EXOC4: variants seen among roughly 807,000 people sequenced by gnomAD.
The protein encoded by EXOC4 is SEC8-like 1.
EXOC4 carries 71 observed loss-of-function variants against 107.2 expected under a neutral mutation model. The observed-to-expected ratio is 0.66, with a 90% CI of 0.55 to 0.81. The LOEUF is 0.81. Among genes scored for constraint, EXOC4 ranks in the 30% least tolerant of loss-of-function variants. The pLI is 0.00. For missense variants in EXOC4, 1,108 were observed against 1,189.6 expected, an observed-to-expected ratio of 0.93 and a Z score of 1.01; for synonymous variants, 456 against 441.2, an observed-to-expected ratio of 1.03 and a Z score of -0.42.
chr7:133,721,168 A>AT lies in EXOC4; in HGVS notation c.1514+91034dup, dbSNP rs1418245127. ...TGAGAAAATATGGAGCTTAATTTTC[A>AT]TTTTTTTCATTAAGATTATGAAAAA... On this transcript the variant is annotated intron_variant, in intron 10 of 17. Coordinates refer to ENST00000253861, the MANE Select transcript of EXOC4 (RefSeq NM_021807.4). Among the ~76,000 whole-genome samples the AT allele has an allele frequency of 1.2e-4, 19 of 152,160 alleles. No individual in the cohort carries two copies. The East Asian group carries it at 2.9e-3, about 23-fold the overall frequency.
At chr7:133,907,936 C>T (rs1563052938) in intron 12 of EXOC4, among the ~76,000 whole-genome samples, 1 of 152,204 alleles carries the variant, frequency 6.6e-6, no homozygotes, top group South Asian at 2.1e-4. Flanking sequence ...ATTTTCCACA[C>T]ACCTGTCTGC....
chr7:133,640,864 CTCT>C (rs1202657408), intron 10 of EXOC4, among the ~76,000 whole-genome samples: 1 of 104,160 alleles, frequency 9.6e-6, no homozygotes, highest in Non-Finnish European at 2.2e-5. Context: ...GACATTCTCT[CTCT>C]CTCTCTTTTT....
At chr7:133,453,657 A>G (rs1270456718) in intron 7 of EXOC4, among the ~76,000 whole-genome samples, 3 of 152,064 alleles carry the variant, frequency 2.0e-5, no homozygotes, top group Admixed American at 6.6e-5. Flanking sequence ...ATATAACTTT[A>G]TGTAAGTTTG....
At chr7:133,793,701 G>A (rs928542296) in intron 10 of EXOC4, among the ~76,000 whole-genome samples, 7 of 151,750 alleles carry the variant, frequency 4.6e-5, no homozygotes, top group Non-Finnish European at 8.8e-5. Context: ...AAAAATTAGT[G>A]GGGTGTGGTG....
chr7:133,460,011 G>A (rs1166787705), intron 7 of EXOC4, among the ~76,000 whole-genome samples: 1 of 152,188 alleles, frequency 6.6e-6, no homozygotes, highest in Non-Finnish European at 1.5e-5. Flanking sequence ...AGAAATACCA[G>A]TGAAATAGTT....
At chr7:133,857,162 A>G (rs865784835) in intron 11 of EXOC4, among the ~76,000 whole-genome samples, 121 of 10,336 alleles carry the variant, frequency 0.012, 3 homozygotes, top group African/African-American at 0.033. Flanking sequence ...ATATATATAT[A>G]TATATATATA....
intron 13 of EXOC4, among the ~76,000 whole-genome samples, chr7:133,933,683 A>AG (rs1416679534): frequency 3.3e-5 from 5 of 152,212 alleles, no homozygotes; most frequent in African/African-American, 1.2e-4. Context: ...GGTCTTCTGC[A>AG]GGGGACAAGT....
the EXOC4 span, among the ~76,000 whole-genome samples, chr7:134,075,497 G>A: frequency 1.3e-5 from 2 of 152,160 alleles, no homozygotes; most frequent in African/African-American, 4.8e-5. Context: ...CAGCAGGTAA[G>A]ACAGAATGAG....
At chr7:133,643,661 C>T (rs1562888774) in intron 10 of EXOC4, among the ~76,000 whole-genome samples, 1 of 152,202 alleles carries the variant, frequency 6.6e-6, no homozygotes, top group Non-Finnish European at 1.5e-5. Flanking sequence ...CACCAATCCT[C>T]AGCCCAAATG....
intron 14 of EXOC4, among the ~76,000 whole-genome samples, chr7:133,987,397 A>G (rs28519661): frequency 0.017 from 2,525 of 151,950 alleles, 72 homozygotes; most frequent in African/African-American, 0.056. Flanking sequence ...AAGAAAGAAA[A>G]AGAGAGAGAA....
chr7:133,511,556 A>G (rs538586781), intron 9 of EXOC4, among the ~76,000 whole-genome samples: 1 of 152,276 alleles, frequency 6.6e-6, no homozygotes, highest in South Asian at 2.1e-4. Context: ...GAGGGCAGAG[A>G]GCTATTCCTG....
At chr7:133,707,770 C>T (rs985583601) in intron 10 of EXOC4, among the ~76,000 whole-genome samples, 3 of 152,068 alleles carry the variant, frequency 2.0e-5, no homozygotes, top group African/African-American at 7.2e-5. Context: ...CGCACGCCAC[C>T]ACGCCTGGCT....
chr7:133,645,782 C>T (rs1237197546), intron 10 of EXOC4, among the ~76,000 whole-genome samples: 6 of 152,116 alleles, frequency 3.9e-5, no homozygotes, highest in Non-Finnish European at 8.8e-5. Context: ...CTTGGAGTTG[C>T]TTTTGATATC....
intron 5 of EXOC4, among the ~76,000 whole-genome samples, chr7:133,325,796 CT>C (rs1332667555): frequency 6.6e-5 from 10 of 152,290 alleles, no homozygotes; most frequent in African/African-American, 2.4e-4. Flanking sequence ...GTATAATTTC[CT>C]GCAGAGTGTT....
At chr7:133,821,216 T>C (rs11979129) in intron 11 of EXOC4, among the ~76,000 whole-genome samples, 2 of 152,370 alleles carry the variant, frequency 1.3e-5, no homozygotes, top group African/African-American at 4.8e-5. Context: ...TCTGTATTGA[T>C]TGCAAGTGTT....
intron 7 of EXOC4, among the ~76,000 whole-genome samples, chr7:133,431,648 A>ATAGC (rs931727845): frequency 1.3e-5 from 2 of 152,214 alleles, no homozygotes; most frequent in Non-Finnish European, 2.9e-5. Flanking sequence ...TAAATGTAGC[A>ATAGC]TAGCTTAAGT....
chr7:133,876,188 T>C (rs560944327), intron 11 of EXOC4, among the ~76,000 whole-genome samples: 1 of 151,708 alleles, frequency 6.6e-6, no homozygotes, highest in African/African-American at 2.4e-5. Flanking sequence ...AAAAATTAAC[T>C]CATATTGCTT....
In EXOC4 at chr7:134,020,288, A is replaced by T. The variant is rs187264731; in HGVS notation, c.2687+12453A>T. The stretch of plus-strand genomic sequence containing the variant: ...AGTTCTGATTTAGAAGGCTGAGGGT[A>T]GGGCTTGGGCATCTGCGGCTTAACA... On this transcript the variant is annotated intron_variant, in intron 17 of 17. Coordinates refer to ENST00000253861, the MANE Select transcript of EXOC4 (RefSeq NM_021807.4). Among the ~76,000 whole-genome samples the T allele has an allele frequency of 4.0e-3, 606 of 152,312 alleles. 5 individuals are homozygous for T. Among genetic ancestry groups the T allele is most frequent in the African/African-American group, 0.014 (575 of 41,574 alleles).
At chr7:133,951,421 A>T (rs10272270) in intron 14 of EXOC4, among the ~76,000 whole-genome samples, 43,277 of 152,160 alleles carry the variant, frequency 0.28, 6,637 homozygotes, top group Non-Finnish European at 0.34. Flanking sequence ...TGATCACGTG[A>T]TAAATAGTAG....
Sources: gnomAD v4.1 joint callset for allele counts (sites outside exome capture counted in the v4.1 genomes callset) on GRCh38, gnomAD v4.1.1 for gene constraint, MANE v1.5 for transcripts, NCBI Gene and HGNC (gene_info 2026-07-23, HGNC 2026-07-21) for gene names.